SYT4: variants seen among roughly 807,000 people sequenced by gnomAD.
The protein encoded by SYT4 is synaptotagmin-4.
A neutral mutation model predicts 32.9 loss-of-function variants in SYT4; 7 were observed. The observed-to-expected ratio is 0.21, with a 90% CI of 0.12 to 0.40. SYT4 has a LOEUF of 0.40. Among genes scored for constraint, SYT4 ranks in the 10% least tolerant of loss-of-function variants. The probability of loss-of-function intolerance (pLI) is 1.00; values close to 1 mark genes in which losing one functional copy is unlikely to be tolerated. For missense variants in SYT4, 480 were observed against 488.0 expected, an observed-to-expected ratio of 0.98 and a Z score of 0.16; for synonymous variants, 205 against 186.2, an observed-to-expected ratio of 1.10 and a Z score of -0.82.
Position 43,274,292 on chromosome 18 carries a change from T to A in SYT4, c.137A>T (p.Asn46Ile). The A allele has an allele frequency of 6.2e-7, 1 of 1,613,894 alleles. No individual in the cohort carries two copies. Among genetic ancestry groups the A allele is most frequent in the Non-Finnish European group, 8.5e-7 (1 of 1,179,906 alleles). Residue 46 changes from asparagine to isoleucine, a missense_variant, in exon 2 of 4, where the codon AAC becomes ATC. Physicochemically the swap from Asn to Ile is moderately radical, Grantham distance 149. Transcript: ENST00000255224. ...ICCQRKSSKS[N>I]KTPPYKFVHV... ...CACAAACTTGTATGGAGGAGTCTTGTTAGACTTGGATGATTTTCTCTGACA... is the reference window on the plus strand; with the variant it reads ...CACAAACTTGTATGGAGGAGTCTTGATAGACTTGGATGATTTTCTCTGACA...
Position 43,270,471 on chromosome 18 carries a change from G to A in SYT4, c.1148C>T (p.Ser383Phe). 1.2e-6 allele frequency: 2 copies of A among 1,614,056 alleles called. No homozygotes were observed. Among genetic ancestry groups the A allele is most frequent in the Non-Finnish European group, 1.7e-6 (2 of 1,179,986 alleles). ...EFLVLDSERG[S>F]RNEVIGQLVL... ...TAACTGCCCGATTACCTCATTTCGG[G>A]ACCCCCTTTCAGAATCCAAAACCAA... The change falls in exon 4 of 4, where the codon TCC becomes TTC. Residue 383 changes from serine to phenylalanine, a missense_variant. Physicochemically the swap from Ser to Phe is radical, Grantham distance 155. Coordinates refer to ENST00000255224, the MANE Select transcript of SYT4 (RefSeq NM_020783.4).
intron 3 of SYT4, 131 bp from the exon 4 acceptor site, chr18:43,270,779 G>T: frequency 1.2e-6 from 1 of 858,318 alleles, no homozygotes; most frequent in Non-Finnish European, 1.7e-6. Flanking sequence ...CAAAACAACA[G>T]AAAAATATGG....
chr18:43,277,268 G>T lies in SYT4; in HGVS notation c.14C>A (p.Thr5Asn), dbSNP rs769905904. 3 of 1,614,064 alleles carry T rather than the reference G, an allele frequency of 1.9e-6. No homozygotes were observed. The highest frequency in any genetic ancestry group is 1.1e-5 in the South Asian group (1 of 91,072). Residue 5 changes from threonine (T) to asparagine (N), a missense_variant, in exon 1 of 4, where the codon ACC becomes AAC. Thr to Asn is a moderately conservative substitution (Grantham distance 65). Coordinates refer to ENST00000255224, the MANE Select transcript of SYT4 (RefSeq NM_020783.4). ...CTTACCAAATTCTTCCCGGCTGGTG[G>T]TGATCGGAGCCATTTTTTACTGCGT... is the stretch of plus-strand genomic sequence containing the variant. MAPI[T>N]TSREEFDEIP...
intron 1 of SYT4, among the ~76,000 whole-genome samples, chr18:43,274,979 G>A (rs1908748627): frequency 6.6e-6 from 1 of 152,042 alleles, no homozygotes. Context: ...ATTAGAGAAA[G>A]TAAAACAAAA....
Position 43,273,699 on chromosome 18 carries a change from T to C in SYT4, c.730A>G (p.Ser244Gly). The C allele has an allele frequency of 6.2e-7, 1 of 1,613,988 alleles. No homozygotes were observed. Among genetic ancestry groups the C allele is most frequent in the East Asian group, 2.2e-5 (1 of 44,858 alleles). Residue 244 changes from serine (S) to glycine (G), a missense_variant, in exon 2 of 4, where the codon AGT becomes GGT. Coordinates refer to ENST00000255224, the MANE Select transcript of SYT4 (RefSeq NM_020783.4). Reference sequence around the variant, plus strand: ...TCATCTCTTGAAAACCTGTCAAAACTCAAAATTGTGAAGTGCAAGGCCAAT... The same window carrying C: ...TCATCTCTTGAAAACCTGTCAAAACCCAAAATTGTGAAGTGCAAGGCCAAT... ...QELALHFTIL[S>G]FDRFSRDDII...
chr18:43,271,731 A>G lies in SYT4; in HGVS notation c.951T>C (p.Ser317=), dbSNP rs1173397361. 1 of 1,613,124 alleles carries G rather than the reference A, an allele frequency of 6.2e-7. No homozygotes were observed. Among genetic ancestry groups the G allele is most frequent in the Non-Finnish European group, 8.5e-7 (1 of 1,179,242 alleles). The part of the protein sequence containing the change: ...VVLKARHLPK[S]DVSGLSDPYV... ...TCTTACCTGAAAGTCCGGACACATCAGATTTAGGCAGATGTCGAGCTTTTA... is the reference window on the plus strand; with the variant it reads ...TCTTACCTGAAAGTCCGGACACATCGGATTTAGGCAGATGTCGAGCTTTTA... The change falls in exon 3 of 4, where the codon TCT becomes TCC. Residue 317 remains serine, a synonymous_variant. Transcript: ENST00000255224.
intron 1 of SYT4, among the ~76,000 whole-genome samples, chr18:43,276,280 T>C (rs1307218464): frequency 6.6e-6 from 1 of 152,194 alleles, no homozygotes; most frequent in Non-Finnish European, 1.5e-5. Flanking sequence ...CCCTATGTAT[T>C]CTCTACTGAT....
chr18:43,273,551 A>G, intron 2 of SYT4, 29 bp downstream of exon 2: 1 of 1,487,750 alleles, frequency 6.7e-7, no homozygotes, highest in South Asian at 1.3e-5. Context: ...GATTGTTTAT[A>G]AATACTTTAA....
At chr18:43,272,177 T>A (rs961281168) in intron 2 of SYT4, 2 of 161,784 alleles carry the variant, frequency 1.2e-5, no homozygotes, top group African/African-American at 4.8e-5. Context: ...CTTTTCAAAG[T>A]TATTAATAGT....
chr18:43,272,251 C>A (rs1332081494), intron 2 of SYT4: 1 of 152,118 alleles, frequency 6.6e-6, no homozygotes, highest in African/African-American at 2.4e-5. Flanking sequence ...CATACTCATG[C>A]AAAAAATTAG....
At position 43,270,599 on chromosome 18, in the gene SYT4, C is replaced by T. The variant is rs774250318; in HGVS notation, c.1020G>A (p.Lys340=). 1.9e-6 allele frequency: 3 copies of T among 1,614,002 alleles called. No individual in the cohort carries two copies. Among genetic ancestry groups the T allele is most frequent in the Non-Finnish European group, 2.5e-6 (3 of 1,179,948 alleles). The change falls in exon 4 of 4, where the codon AAG becomes AAA. Residue 340 remains lysine (K), a synonymous_variant. Coordinates refer to ENST00000255224, the MANE Select transcript of SYT4 (RefSeq NM_020783.4). ...NLYHAKKRIS[K]KKTHVKKCTP... Reference sequence around the variant, plus strand: ...TGCATTTCTTCACATGAGTCTTCTTCTTGGAGATTCTCTTTTTGGCATGGT... The same window carrying T: ...TGCATTTCTTCACATGAGTCTTCTTTTTGGAGATTCTCTTTTTGGCATGGT...
At chr18:43,273,472 G>T in intron 2 of SYT4, 108 bp downstream of exon 2, 1 of 676,810 alleles carries the variant, frequency 1.5e-6, no homozygotes, top group Non-Finnish European at 2.4e-6. Flanking sequence ...AATTAAACAT[G>T]GTAAGGATGA....
At chr18:43,277,017 C>T (rs73487503) in intron 1 of SYT4, among the ~76,000 whole-genome samples, 21,190 of 152,098 alleles carry the variant, frequency 0.14, 1,885 homozygotes, top group East Asian at 0.4. Flanking sequence ...TAAGAACTTC[C>T]TGAAGGTAAA....
chr18:43,268,262 T>C lies in SYT4; in HGVS notation c.*2079A>G, dbSNP rs762506244. 2.0e-5 allele frequency: 3 copies of C among 152,642 alleles called. No homozygotes were observed. Among genetic ancestry groups the C allele is most frequent in the Non-Finnish European group, 4.4e-5 (3 of 68,038 alleles). The allele number at this position is 152,642 out of a possible 1,614,324, so 9.5% of individuals were successfully genotyped here. A position where few individuals can be genotyped will look rare whatever the true frequency, so the allele number is the denominator to read the frequency against. ...CTGCCTGTTTCAATTCCTTTGTTGT[T>C]TCTTTTCTCTTTTCTGAAAACCAGT... On this transcript the variant is annotated 3_prime_UTR_variant, in exon 4 of 4. Coordinates refer to ENST00000255224, the MANE Select transcript of SYT4 (RefSeq NM_020783.4).
chr18:43,274,433 C>A (rs963320478), intron 1 of SYT4, 39 bp from the exon 2 acceptor site: 3 of 1,498,428 alleles, frequency 2.0e-6, no homozygotes, highest in South Asian at 1.3e-5. Context: ...ATTAAAGAAG[C>A]AGAGCTGGAG....
intron 1 of SYT4, among the ~76,000 whole-genome samples, chr18:43,275,255 G>A (rs1908758166): frequency 6.6e-6 from 1 of 152,016 alleles, no homozygotes; most frequent in Non-Finnish European, 1.5e-5. Context: ...AACTGAAATT[G>A]TCATTATTTT....
In SYT4 at chr18:43,277,230, G is replaced by C; in HGVS notation, c.34+18C>G. 1 of 1,613,946 alleles carries C rather than the reference G, an allele frequency of 6.2e-7. No homozygotes were observed. The highest frequency in any genetic ancestry group is 8.5e-7 in the Non-Finnish European group (1 of 1,179,904). On this transcript the variant is annotated intron_variant, in intron 1 of 3. Coordinates refer to ENST00000255224, the MANE Select transcript of SYT4 (RefSeq NM_020783.4). ...ATTCAAGGAATAACCGCAGTCATAA[G>C]TTCAGTAACTTGCTTACCAAATTCT...
chr18:43,273,961 A>C lies in SYT4; in HGVS notation c.468T>G (p.Thr156=). The change falls in exon 2 of 4, where the codon ACT becomes ACG. Residue 156 remains threonine, a synonymous_variant. Coordinates refer to ENST00000255224, the MANE Select transcript of SYT4 (RefSeq NM_020783.4). ...AGTTGTATTCTAAGGAGAAGAAGAG[A>C]GTTCCCAGCTTCTCTTGTTTCTCTT... The part of the protein sequence containing the change: ...TSEEKQEKLG[T]LFFSLEYNFE... 6.2e-7 allele frequency: 1 copy of C among 1,613,962 alleles called. No homozygotes were observed. The highest frequency in any genetic ancestry group is 1.3e-5 in the African/African-American group (1 of 75,044).
intron 1 of SYT4, 22 bp downstream of exon 1, chr18:43,277,226 A>T: frequency 6.2e-7 from 1 of 1,613,980 alleles, no homozygotes. Flanking sequence ...AACCGCAGTC[A>T]TAAGTTCAGT....
Sources: gnomAD v4.1 joint callset for allele counts (sites outside exome capture counted in the v4.1 genomes callset) on GRCh38, gnomAD v4.1.1 for gene constraint, MANE v1.5 for transcripts, NCBI Gene and HGNC (gene_info 2026-07-23, HGNC 2026-07-21) for gene names.